Variants in VPS13B observed in about 807,000 individuals in gnomAD.
VPS13B encodes intermembrane lipid transfer protein VPS13B.
In VPS13B, 285 loss-of-function variants were observed where a neutral mutation model predicts 426.4. That is an observed-to-expected ratio of 0.67 (90% CI 0.61 to 0.74). The LOEUF (loss-of-function observed/expected upper bound fraction) is 0.74, where lower values mean the gene tolerates loss of function less well. Among genes scored for constraint, VPS13B ranks in the 30% least tolerant of loss-of-function variants. VPS13B has a pLI of 0.00. For missense variants in VPS13B, 4,537 were observed against 4,782.6 expected, an observed-to-expected ratio of 0.95 and a Z score of 1.51; for synonymous variants, 1,676 against 1,676.4, an observed-to-expected ratio of 1.00 and a Z score of 0.01.
intron 40 of VPS13B, among the ~76,000 whole-genome samples, chr8:99,768,472 AT>A (rs1470611005): frequency 9.2e-5 from 14 of 152,184 alleles, no homozygotes; most frequent in Admixed American, 6.5e-4. Flanking sequence ...TTCTTTGGAA[AT>A]ATTTATTTTT....
chr8:99,026,077 T>C (rs1030722653), intron 2 of VPS13B, among the ~76,000 whole-genome samples: 3 of 152,206 alleles, frequency 2.0e-5, no homozygotes, highest in African/African-American at 7.2e-5. Context: ...TTCTAGGTCC[T>C]TGACATGCAT....
chr8:99,035,136 T>C (rs1034467220), intron 2 of VPS13B, among the ~76,000 whole-genome samples: 8 of 149,952 alleles, frequency 5.3e-5, no homozygotes, highest in Non-Finnish European at 9.0e-5. Context: ...AGTGAGCTGA[T>C]TGTGCCACTG....
intron 23 of VPS13B, among the ~76,000 whole-genome samples, chr8:99,456,239 G>C (rs183057710): frequency 1.4e-4 from 21 of 152,218 alleles, no homozygotes; most frequent in Admixed American, 5.9e-4. Flanking sequence ...CACAATCTCG[G>C]CTCACTGCAA....
intron 34 of VPS13B, among the ~76,000 whole-genome samples, chr8:99,654,339 C>T (rs758398698): frequency 1.2e-4 from 18 of 152,086 alleles, no homozygotes; most frequent in South Asian, 6.2e-4. Context: ...TGAGCCACCA[C>T]GCCCGGCTGA....
At chr8:99,687,458 G>A (rs2130047246) in intron 35 of VPS13B, among the ~76,000 whole-genome samples, 1 of 152,032 alleles carries the variant, frequency 6.6e-6, no homozygotes, top group East Asian at 1.9e-4. Context: ...GGTTTATTTA[G>A]GACCCCAGAG....
intron 39 of VPS13B, among the ~76,000 whole-genome samples, chr8:99,754,986 T>C (rs1352136825): frequency 6.6e-6 from 1 of 151,924 alleles, no homozygotes; most frequent in Non-Finnish European, 1.5e-5. Flanking sequence ...TGGGAACCAG[T>C]TGGGGTAAAC....
At chr8:99,866,838 G>A (rs1817128364) in intron 58 of VPS13B, among the ~76,000 whole-genome samples, 1 of 152,240 alleles carries the variant, frequency 6.6e-6, no homozygotes, top group South Asian at 2.1e-4. Flanking sequence ...CGGCAAATGA[G>A]GGGTGCTCCC....
chr8:99,260,573 A>G (rs1475026208), intron 17 of VPS13B, among the ~76,000 whole-genome samples: 1 of 152,074 alleles, frequency 6.6e-6, no homozygotes, highest in Admixed American at 6.5e-5. Flanking sequence ...AACATATATT[A>G]TATTTGAGGC....
intron 24 of VPS13B, among the ~76,000 whole-genome samples, chr8:99,473,628 A>G (rs555541160): frequency 6.6e-6 from 1 of 152,300 alleles, no homozygotes; most frequent in South Asian, 2.1e-4. Flanking sequence ...TCTGCTTTCA[A>G]TTCTATTCTG....
chr8:99,549,343 G>C (rs189927193), intron 30 of VPS13B, among the ~76,000 whole-genome samples: 2 of 152,158 alleles, frequency 1.3e-5, no homozygotes, highest in Non-Finnish European at 2.9e-5. Flanking sequence ...ATCCTAGTAC[G>C]TGCTTTATCC....
At chr8:99,507,247 A>G (rs750002709) in intron 28 of VPS13B, 44 bp downstream of exon 28, 10 of 1,583,560 alleles carry the variant, frequency 6.3e-6, no homozygotes, top group Non-Finnish European at 7.8e-6. Context: ...ATGTACTTTA[A>G]ACTGTTTATC....
chr8:99,215,170 G>C (rs1236636787), intron 17 of VPS13B, among the ~76,000 whole-genome samples: 1 of 151,918 alleles, frequency 6.6e-6, no homozygotes, highest in Non-Finnish European at 1.5e-5. Context: ...CTGCTTTTTT[G>C]GTGAATGTTC....
chr8:99,475,117 C>T (rs963428844), intron 24 of VPS13B, among the ~76,000 whole-genome samples: 3 of 152,052 alleles, frequency 2.0e-5, no homozygotes, highest in Non-Finnish European at 4.4e-5. Context: ...TCCATAATTC[C>T]ATTTACATAA....
At chr8:99,644,102 G>A (rs1360552775) in intron 34 of VPS13B, among the ~76,000 whole-genome samples, 1 of 152,148 alleles carries the variant, frequency 6.6e-6, no homozygotes, top group Non-Finnish European at 1.5e-5. Context: ...GTAGGAGGGG[G>A]AAAGGGGCCG....
intron 5 of VPS13B, among the ~76,000 whole-genome samples, chr8:99,103,456 A>G (rs1846869263): frequency 7.2e-6 from 1 of 139,404 alleles, no homozygotes; most frequent in African/African-American, 2.7e-5. Flanking sequence ...CAGACTCTTG[A>G]GTAGCTGAGA....
chr8:99,386,894 G>C (rs1814155519), intron 20 of VPS13B, among the ~76,000 whole-genome samples: 1 of 152,120 alleles, frequency 6.6e-6, no homozygotes, highest in Non-Finnish European at 1.5e-5. Flanking sequence ...GTTTGTGCCT[G>C]GGAGGTGGAG....
chr8:99,428,843 C>T (rs546330121), intron 21 of VPS13B, among the ~76,000 whole-genome samples: 2,334 of 152,052 alleles, frequency 0.015, 25 homozygotes, highest in Non-Finnish European at 0.024. Flanking sequence ...ATGTTTATTG[C>T]GGCACTATTC....
chr8:99,537,256 T>C (rs769475288), intron 30 of VPS13B, among the ~76,000 whole-genome samples: 3 of 152,196 alleles, frequency 2.0e-5, no homozygotes, highest in Non-Finnish European at 4.4e-5. Flanking sequence ...AGTTAAAGTA[T>C]AGGCATGTTT....
chr8:99,573,899 C>T (rs555561508), intron 31 of VPS13B, among the ~76,000 whole-genome samples: 11 of 152,206 alleles, frequency 7.2e-5, no homozygotes, highest in Non-Finnish European at 1.6e-4. Flanking sequence ...GCAGTATGGC[C>T]ATTTTCATGA....
Sources: gnomAD v4.1 joint callset for allele counts (sites outside exome capture counted in the v4.1 genomes callset) on GRCh38, gnomAD v4.1.1 for gene constraint, MANE v1.5 for transcripts, NCBI Gene and HGNC (gene_info 2026-07-23, HGNC 2026-07-21) for gene names.